Variants in MARK4 observed in about 807,000 individuals in gnomAD.
MARK4 encodes MAP/microtubule affinity-regulating kinase 4.
MARK4 carries 19 observed loss-of-function variants against 81.5 expected under a neutral mutation model. The ratio of observed to expected loss-of-function variants is 0.23; its 90% CI spans 0.16 to 0.34. The LOEUF (loss-of-function observed/expected upper bound fraction) is 0.34, where lower values mean the gene tolerates loss of function less well. Ranked by LOEUF, MARK4 falls within the 10% of genes least tolerant of loss-of-function variation. The pLI, the probability that MARK4 is intolerant of heterozygous loss-of-function variation, is 1.00. For missense variants in MARK4, 772 were observed against 1,058.8 expected (o/e 0.73, Z 3.76); for synonymous variants, 436 against 439.0 (o/e 0.99, Z 0.08).
chr19:45,284,603 C>T (rs995117826), intron 12 of MARK4, among the ~76,000 whole-genome samples: 2 of 151,914 alleles, frequency 1.3e-5, no homozygotes, highest in Admixed American at 6.6e-5. Flanking sequence ...GCTGGGATTA[C>T]AGGCATGAGC....
intron 4 of MARK4, 31 bp from the exon 5 acceptor site, chr19:45,264,653 T>C: frequency 6.2e-7 from 1 of 1,609,274 alleles, no homozygotes; most frequent in Non-Finnish European, 8.5e-7. Context: ...CCTTTCTCCC[T>C]AATGCCCTAC....
intron 1 of MARK4, among the ~76,000 whole-genome samples, chr19:45,253,005 A>C (rs1440815236): frequency 1.3e-5 from 2 of 151,140 alleles, no homozygotes; most frequent in African/African-American, 4.9e-5. Flanking sequence ...CCCTGCCCCT[A>C]CACTGCTTCC....
chr19:45,280,558 C>G lies in MARK4; in HGVS notation c.1117-17C>G, dbSNP rs1384222164. On this transcript the variant is annotated splice_polypyrimidine_tract_variant and intron_variant, in intron 11 of 16. Transcript: ENST00000262891. ...GACTTGGGGTGCAGAAGAGCCTCATCTGTCATCCTCTCGCAGGAGGGTGGG... is the reference window on the plus strand; with the variant it reads ...GACTTGGGGTGCAGAAGAGCCTCATGTGTCATCCTCTCGCAGGAGGGTGGG... The G allele has an allele frequency of 6.2e-7, 1 of 1,613,588 alleles. No homozygotes were observed. The highest frequency in any genetic ancestry group is 2.2e-5 in the East Asian group (1 of 44,870).
At chr19:45,263,454 G>C in intron 4 of MARK4, 87 bp downstream of exon 4, 1 of 1,562,804 alleles carries the variant, frequency 6.4e-7, no homozygotes, top group Non-Finnish European at 8.8e-7. Context: ...AGAATAGTTG[G>C]AGACCCACCA....
chr19:45,281,402 C>T (rs1445731872), intron 12 of MARK4, among the ~76,000 whole-genome samples: 5 of 144,028 alleles, frequency 3.5e-5, no homozygotes, highest in Non-Finnish European at 7.5e-5. Flanking sequence ...ACTCTGTATC[C>T]CAGGCTGGAG....
rs1303059526 is a variant in MARK4, at chr19:45,251,283, CCCCTCCACCGCCT to C, written c.-299_-287del. On this transcript the variant is annotated 5_prime_UTR_variant, in exon 1 of 17. Transcript: ENST00000262891. ...CTGACGTCCCTTCCTCCCTCCCCAG[CCCCTCCACCGCCT>C]CCCTCCGCCGCCGCTTGGGCCGGCT... 11 of 145,816 alleles carry C rather than the reference CCCCTCCACCGCCT, an allele frequency of 7.5e-5. No individual in the cohort carries two copies. In the Middle Eastern group the frequency reaches 0.014, roughly 189 times the overall value. 9.0% of individuals were successfully genotyped at this position (145,816 alleles called of 1,614,324 possible). A position where few individuals can be genotyped will look rare whatever the true frequency, so the allele number is the denominator to read the frequency against.
chr19:45,287,632 C>T lies in MARK4; in HGVS notation c.1462C>T (p.Pro488Ser). Residue 488 changes from proline to serine, a missense_variant, in exon 13 of 17, where the codon CCA becomes TCA. Transcript: ENST00000262891. Reference protein sequence around the residue: ...SAHNPNKAEIPERRKDSTSTP... With the variant: ...SAHNPNKAEISERRKDSTSTP... ...CCACAACCCCAACAAGGCAGAGATC[C>T]CAGAGCGGCGGAAGGACAGCACGAG... 6.3e-7 allele frequency: 1 copy of T among 1,597,888 alleles called. No individual in the cohort carries two copies. The highest frequency in any genetic ancestry group is 1.1e-5 in the South Asian group (1 of 89,820).
At chr19:45,288,073 A>G (rs1014167109) in intron 13 of MARK4, 17 of 225,648 alleles carry the variant, frequency 7.5e-5, no homozygotes, top group South Asian at 2.3e-4. Flanking sequence ...CTAAAAATCA[A>G]AAAAATTAGC....
intron 8 of MARK4, among the ~76,000 whole-genome samples, chr19:45,276,273 C>T (rs1599789345): frequency 1.3e-5 from 2 of 152,184 alleles, no homozygotes; most frequent in African/African-American, 4.8e-5. Flanking sequence ...GCGGTCTTCC[C>T]ACCTTGGCCT....
chr19:45,284,548 G>A (rs1382643541), intron 12 of MARK4, among the ~76,000 whole-genome samples: 3 of 151,874 alleles, frequency 2.0e-5, no homozygotes, highest in Non-Finnish European at 4.4e-5. Flanking sequence ...GGTCTTGATC[G>A]CCTGACCTCA....
chr19:45,278,644 C>G, intron 10 of MARK4, 29 bp downstream of exon 10: 6 of 1,519,962 alleles, frequency 3.9e-6, no homozygotes, highest in Non-Finnish European at 5.5e-6. Flanking sequence ...CATCCTGTCA[C>G]CCAGGATGGA....
At chr19:45,299,733 A>T (rs1000337777) in intron 15 of MARK4, 78 bp from the exon 16 acceptor site, 3 of 1,353,514 alleles carry the variant, frequency 2.2e-6, no homozygotes, top group Non-Finnish European at 3.0e-6. Flanking sequence ...GGCTGCTTGG[A>T]GTCCCAGAGG....
At chr19:45,278,441 G>T (rs1386121052) in intron 9 of MARK4, 75 bp from the exon 10 acceptor site, 4 of 1,328,018 alleles carry the variant, frequency 3.0e-6, no homozygotes, top group African/African-American at 1.4e-5. Flanking sequence ...GAGGTTTGGG[G>T]CAGGGCAGAA....
At position 45,259,014 on chromosome 19, in the gene MARK4, C is replaced by T. The variant is rs1970345780; in HGVS notation, c.77C>T (p.Ser26Phe). 1 of 1,613,160 alleles carries T rather than the reference C, an allele frequency of 6.2e-7. No homozygotes were observed. Among genetic ancestry groups the T allele is most frequent in the African/African-American group, 1.3e-5 (1 of 75,032 alleles). The change falls in exon 2 of 17, where the codon TCC (serine) becomes TTC (phenylalanine). Residue 26 changes from serine (S) to phenylalanine (F), a missense_variant. Around this residue, in one of 3 missense-constraint regions of MARK4, gnomAD observed 115 missense variants for 139.8 expected, o/e 0.82. Coordinates refer to ENST00000262891, the MANE Select transcript of MARK4 (RefSeq NM_001199867.2). Reference sequence around the variant, plus strand: ...CATGGCACCTTGGGCAGTGGCCGCTCCTCGGACAAAGGCCCGTCCTGGTCC... The same window carrying T: ...CATGGCACCTTGGGCAGTGGCCGCTTCTCGGACAAAGGCCCGTCCTGGTCC... ...DTHGTLGSGR[S>F]SDKGPSWSSR...
At chr19:45,296,754 A>G (rs538130257) in intron 14 of MARK4, among the ~76,000 whole-genome samples, 5 of 152,300 alleles carry the variant, frequency 3.3e-5, no homozygotes, top group Middle Eastern at 6.8e-3. Flanking sequence ...GGGAGGATAG[A>G]AATTGGAGGT....
Position 45,263,380 on chromosome 19 carries a change from T to TGGGA in MARK4, c.355+15_355+18dup, listed in dbSNP as rs1970405162. 6.2e-7 allele frequency: 1 copy of TGGGA among 1,613,868 alleles called. No individual in the cohort carries two copies. The highest frequency in any genetic ancestry group is 1.3e-5 in the African/African-American group (1 of 74,888). On this transcript the variant is annotated intron_variant, in intron 4 of 16. Coordinates refer to ENST00000262891, the MANE Select transcript of MARK4 (RefSeq NM_001199867.2). The stretch of plus-strand genomic sequence containing the variant: ...CACCCCAACATCGGTGAGGAGGGAA[T>TGGGA]GGGAGCAGGGGCAGGCCACCAACTG...
chr19:45,290,221 G>T (rs566563930), intron 13 of MARK4, among the ~76,000 whole-genome samples: 16 of 152,308 alleles, frequency 1.1e-4, no homozygotes, highest in Admixed American at 9.2e-4. Flanking sequence ...AGTTTATTTT[G>T]GTTCTAAACA....
Position 45,264,666 on chromosome 19 carries a change from T to C in MARK4, c.356-18T>C, listed in dbSNP as rs113770472. The C allele has an allele frequency of 3.1e-6, 5 of 1,613,846 alleles. No homozygotes were observed. Among genetic ancestry groups the C allele is most frequent in the South Asian group, 2.2e-5 (2 of 91,060 alleles). ...GCCCTTTCTCCCTAATGCCCTACAC[T>C]GTTCCCAACCATTATAGTGAAGCTC... On this transcript the variant is annotated intron_variant, in intron 4 of 16. Transcript: ENST00000262891.
rs867579750 is a variant in MARK4 at position 45,295,290 on chromosome 19, C to T, written c.1598+838C>T. ...AGGACAATGGCGTGAACCTGGAAGG[C>T]GGAGTTTGCAGTGAGCCGAGATCAC... is the stretch of plus-strand genomic sequence containing the variant. On this transcript the variant is annotated intron_variant, in intron 14 of 16. Transcript: ENST00000262891. Among the ~76,000 whole-genome samples the T allele has an allele frequency of 4.6e-5, 7 of 151,920 alleles. No homozygotes were observed. In the South Asian group the frequency reaches 6.2e-4, roughly 14 times the overall value.
Sources: allele counts gnomAD v4.1 joint callset (sites outside exome capture counted in the v4.1 genomes callset), GRCh38; gene constraint gnomAD v4.1.1; regional missense constraint gnomAD v4.1.1; transcripts MANE v1.5; gene names NCBI Gene and HGNC (gene_info 2026-07-23, HGNC 2026-07-21).